The following SUGCT variants were observed in gnomAD, a reference collection of about 807,000 sequenced individuals.
SUGCT encodes succinyl-CoA:glutarate CoA-transferase.
A neutral mutation model predicts 55.0 loss-of-function variants in SUGCT; 41 were observed. The ratio of observed to expected loss-of-function variants is 0.74; its 90% confidence interval spans 0.58 to 0.97. The LOEUF (loss-of-function observed/expected upper bound fraction) is 0.97. Ranked by LOEUF, SUGCT falls within the 50% of genes least tolerant of loss-of-function variation. The pLI is 0.00. For missense variants in SUGCT, 568 were observed against 547.8 expected, an observed-to-expected ratio of 1.04 and a Z score of -0.37; for synonymous variants, 187 against 200.4, an observed-to-expected ratio of 0.93 and a Z score of 0.56.
the SUGCT span, among the ~76,000 whole-genome samples, chr7:40,982,137 TATA>T: frequency 0.32 from 48,835 of 151,960 alleles, 9,706 homozygotes; most frequent in Admixed American, 0.5. Context: ...TTTCAACGTA[TATA>T]AAGCACTTAG....
intron 9 of SUGCT, among the ~76,000 whole-genome samples, chr7:40,448,236 C>CCCTCCCTCCCTG (rs1788961300): frequency 1.4e-5 from 2 of 141,204 alleles, no homozygotes; most frequent in Non-Finnish European, 3.1e-5. Flanking sequence ...CTCCCTCCCT[C>CCCTCCCTCCCTG]CCTCCCTCCC....
intron 3 of SUGCT, among the ~76,000 whole-genome samples, chr7:40,182,434 G>T (rs1785268289): frequency 6.6e-6 from 1 of 151,814 alleles, no homozygotes; most frequent in South Asian, 2.1e-4. Context: ...GACAGGCATG[G>T]ACCTGTAATT....
At chr7:40,380,995 G>A (rs1313554116) in intron 9 of SUGCT, among the ~76,000 whole-genome samples, 1 of 152,066 alleles carries the variant, frequency 6.6e-6, no homozygotes, top group Non-Finnish European at 1.5e-5. Flanking sequence ...GTTTCTGTCT[G>A]TGACCATACC....
At chr7:40,814,146 G>A (rs1029041803) in intron 13 of SUGCT, among the ~76,000 whole-genome samples, 3 of 151,980 alleles carry the variant, frequency 2.0e-5, no homozygotes, top group South Asian at 4.1e-4. Context: ...CTTTAGTGTC[G>A]ACCTCGGATA....
intron 13 of SUGCT, among the ~76,000 whole-genome samples, chr7:40,758,338 T>G (rs1788361776): frequency 1.3e-5 from 2 of 152,150 alleles, no homozygotes. Context: ...TTAAGAAGAC[T>G]TAGATAAAAT....
At chr7:40,550,296 G>C (rs984606230) in intron 12 of SUGCT, among the ~76,000 whole-genome samples, 1 of 152,162 alleles carries the variant, frequency 6.6e-6, no homozygotes, top group African/African-American at 2.4e-5. Context: ...GTATCTCTTC[G>C]TATAGGGAAG....
At chr7:41,018,540 C>A in the SUGCT span, among the ~76,000 whole-genome samples, 1 of 152,154 alleles carries the variant, frequency 6.6e-6, no homozygotes, top group Non-Finnish European at 1.5e-5. Flanking sequence ...TTTATTTTGA[C>A]AATTACACAG....
chr7:40,634,803 A>G (rs773140550), intron 12 of SUGCT, among the ~76,000 whole-genome samples: 2 of 152,258 alleles, frequency 1.3e-5, no homozygotes, highest in Non-Finnish European at 2.9e-5. Flanking sequence ...AGGAATGAGT[A>G]TCCAAATTAA....
At chr7:40,968,677 T>C in the SUGCT span, among the ~76,000 whole-genome samples, 1 of 151,960 alleles carries the variant, frequency 6.6e-6, no homozygotes, top group Non-Finnish European at 1.5e-5. Flanking sequence ...AAGGCATAGC[T>C]GGGTAAAGGT....
At chr7:40,356,545 A>G (rs949388474) in intron 9 of SUGCT, among the ~76,000 whole-genome samples, 3 of 152,216 alleles carry the variant, frequency 2.0e-5, no homozygotes, top group Non-Finnish European at 4.4e-5. Context: ...GGCTAAGCCT[A>G]TCAGAGCAAA....
At chr7:40,451,633 G>A (rs575428873) in intron 10 of SUGCT, among the ~76,000 whole-genome samples, 3 of 152,120 alleles carry the variant, frequency 2.0e-5, no homozygotes, top group African/African-American at 4.8e-5. Context: ...TTATGTGTAC[G>A]GGATTCTTGA....
At chr7:40,665,509 A>G (rs1166958413) in intron 12 of SUGCT, among the ~76,000 whole-genome samples, 1 of 152,062 alleles carries the variant, frequency 6.6e-6, no homozygotes, top group African/African-American at 2.4e-5. Context: ...GAGAAAAACC[A>G]GGAAAATCCA....
intron 12 of SUGCT, among the ~76,000 whole-genome samples, chr7:40,743,882 TA>T (rs1787594874): frequency 6.6e-6 from 1 of 152,136 alleles, no homozygotes; most frequent in South Asian, 2.1e-4. Context: ...CCCTTTTTAC[TA>T]ATAAAGATTC....
At chr7:40,980,163 G>C in the SUGCT span, among the ~76,000 whole-genome samples, 1 of 152,162 alleles carries the variant, frequency 6.6e-6, no homozygotes, top group Non-Finnish European at 1.5e-5. Flanking sequence ...GAGAGAGAGA[G>C]AGAGACAGAG....
At chr7:40,316,284 T>C (rs1479818663) in intron 8 of SUGCT, among the ~76,000 whole-genome samples, 2 of 152,230 alleles carry the variant, frequency 1.3e-5, no homozygotes, top group Non-Finnish European at 2.9e-5. Context: ...TTTATTATTA[T>C]TACTTTTCTG....
chr7:40,736,129 T>C (rs1434472931), intron 12 of SUGCT, among the ~76,000 whole-genome samples: 1 of 150,610 alleles, frequency 6.6e-6, no homozygotes, highest in East Asian at 1.9e-4. Context: ...GGCAGAGACA[T>C]ACAGTGTGAT....
At chr7:40,444,002 T>C (rs1788667612) in intron 9 of SUGCT, among the ~76,000 whole-genome samples, 1 of 152,198 alleles carries the variant, frequency 6.6e-6, no homozygotes, top group South Asian at 2.1e-4. Flanking sequence ...TTTCTTGTTT[T>C]TGTCAGGCTT....
At chr7:40,687,381 G>A (rs1784510610) in intron 12 of SUGCT, among the ~76,000 whole-genome samples, 2 of 152,168 alleles carry the variant, frequency 1.3e-5, no homozygotes, top group Admixed American at 1.3e-4. Context: ...CTCTGTTGAT[G>A]TAGTAGTTGT....
intron 12 of SUGCT, among the ~76,000 whole-genome samples, chr7:40,508,495 T>C (rs529097856): frequency 4.1e-4 from 62 of 152,292 alleles, no homozygotes; most frequent in African/African-American, 1.4e-3. Context: ...GCCCTCCTTA[T>C]CTTGGCTGCA....
Sources: gnomAD v4.1 joint callset for allele counts (sites outside exome capture counted in the v4.1 genomes callset) on GRCh38, gnomAD v4.1.1 for gene constraint, MANE v1.5 for transcripts, NCBI Gene and HGNC (gene_info 2026-07-23, HGNC 2026-07-21) for gene names.